SAFB2: variants seen among roughly 807,000 people sequenced by gnomAD.
SAFB2 encodes the protein scaffold attachment factor B2.
Under a neutral mutation model 100.6 loss-of-function variants are expected in SAFB2, and 32 were observed. The ratio of observed to expected loss-of-function variants is 0.32; its 90% CI spans 0.24 to 0.43. SAFB2 has a LOEUF of 0.43. Ranked by LOEUF, SAFB2 falls within the 20% of genes least tolerant of loss-of-function variation. The pLI is 1.00. For missense variants in SAFB2, 1,185 were observed against 1,163.4 expected (o/e 1.02, Z -0.27); for synonymous variants, 500 against 439.4 (o/e 1.14, Z -1.72).
At chr19:5,621,736 C>T (rs2053154241) in intron 1 of SAFB2, among the ~76,000 whole-genome samples, 1 of 152,220 alleles carries the variant, frequency 6.6e-6, no homozygotes. Flanking sequence ...CTGCACTTGG[C>T]CCGGCCTCGG....
intron 11 of SAFB2, among the ~76,000 whole-genome samples, chr19:5,601,647 G>A (rs377054913): frequency 1.4e-4 from 21 of 152,168 alleles, no homozygotes; most frequent in Admixed American, 1.1e-3. Context: ...AGGAGGTGGA[G>A]GTTGCAGTCA....
At chr19:5,621,172 G>A (rs1012460262) in intron 2 of SAFB2, 137 bp downstream of exon 2, 12 of 676,460 alleles carry the variant, frequency 1.8e-5, no homozygotes, top group Middle Eastern at 3.9e-4. Context: ...AGGTGGTGAC[G>A]AGCAAAGCTA....
chr19:5,604,911 T>C lies in SAFB2; in HGVS notation c.1322A>G (p.Asn441Ser), dbSNP rs774519315. ...GCATCGAGCCCCCGGGCTGCGGGCG[T>C]TCGTTACCACTTTGGCCCCGACAAC... The part of the protein sequence containing the change: ...GKVVGAKVVT[N>S]ARSPGARCYG... Residue 441 changes from asparagine to serine, a missense_variant, in exon 10 of 21, where the codon AAC (asparagine) becomes AGC (serine). Asn to Ser is a conservative substitution (Grantham distance 46). Around this residue, in one of 3 missense-constraint regions of SAFB2, gnomAD observed 94 missense variants for 135.1 expected, o/e 0.70. Transcript: ENST00000252542. 12 of 1,613,566 alleles carry C rather than the reference T, an allele frequency of 7.4e-6. No homozygotes were observed. The highest frequency in any genetic ancestry group is 1.0e-5 in the Non-Finnish European group (12 of 1,180,020).
chr19:5,593,789 TC>T, intron 15 of SAFB2, 101 bp downstream of exon 15: 1 of 1,241,350 alleles, frequency 8.1e-7, no homozygotes. Context: ...AATTTCATTC[TC>T]CCCACCGACA....
intron 13 of SAFB2, among the ~76,000 whole-genome samples, chr19:5,598,139 A>C (rs1015120434): frequency 6.6e-6 from 1 of 151,512 alleles, no homozygotes; most frequent in African/African-American, 2.4e-5. Flanking sequence ...CATCTCAAAA[A>C]AAAAAAAAAA....
intron 9 of SAFB2, among the ~76,000 whole-genome samples, chr19:5,609,300 CTTTTTT>C (rs751534976): frequency 1.7e-5 from 2 of 118,880 alleles, no homozygotes; most frequent in Admixed American, 1.8e-4. Flanking sequence ...TCACTTCATT[CTTTTTT>C]TTTTTTTTTT....
At position 5,587,085 on chromosome 19, in the gene SAFB2, A is replaced by AT. The variant is rs201377598; in HGVS notation, c.*157dup. 0.012 allele frequency: 11,272 copies of AT among 957,782 alleles called. 47 individuals carry two copies. Among genetic ancestry groups the AT allele is most frequent in the Non-Finnish European group, 0.013 (8,302 of 649,352 alleles). 59.3% of individuals were successfully genotyped at this position (957,782 alleles called of 1,614,324 possible). On this transcript the variant is annotated 3_prime_UTR_variant, in exon 21 of 21. Coordinates refer to ENST00000252542, the MANE Select transcript of SAFB2 (RefSeq NM_014649.3). The surrounding 1 kb of genome is among the most constrained non-coding windows in gnomAD (Gnocchi z 4.9). ...AAAATGGCAGAACAAGAACACATTTATTTAAAAAAAAAAAAAAAGTGAGTT... is the reference window on the plus strand; with the variant it reads ...AAAATGGCAGAACAAGAACACATTTATTTTAAAAAAAAAAAAAAAGTGAGTT...
In SAFB2 at chr19:5,594,011, C is replaced by A. The variant is rs1156949118; in HGVS notation, c.2087G>T (p.Arg696Leu). 1.9e-6 allele frequency: 3 copies of A among 1,562,688 alleles called. No homozygotes were observed. Among genetic ancestry groups the A allele is most frequent in the African/African-American group, 1.4e-5 (1 of 73,956 alleles). Reference protein sequence around the residue: ...RLERERMRVERERRKEQERIH... With the variant: ...RLERERMRVELERRKEQERIH... ...GCGCTCCTGCTCCTTCCTGCGCTCA[C>A]GCTCCACGCGCATGCGCTCGCGCTC... is the stretch of plus-strand genomic sequence containing the variant. The change falls in exon 15 of 21, where the codon CGT becomes CTT. Residue 696 changes from arginine to leucine, a missense_variant. By Grantham distance (102) the Arg-to-Leu change is moderately radical. Coordinates refer to ENST00000252542, the MANE Select transcript of SAFB2 (RefSeq NM_014649.3).
Position 5,587,557 on chromosome 19 carries a change from G to A in SAFB2, c.2705+144C>T. 4 of 1,455,834 alleles carry A rather than the reference G, an allele frequency of 2.7e-6. No homozygotes were observed. Among genetic ancestry groups the A allele is most frequent in the Non-Finnish European group, 3.6e-6 (4 of 1,096,718 alleles). 90.2% of individuals were successfully genotyped at this position (1,455,834 alleles called of 1,614,324 possible). On this transcript the variant is annotated intron_variant, in intron 20 of 20. Transcript: ENST00000252542. The surrounding 1 kb of genome is among the most constrained non-coding windows in gnomAD (Gnocchi z 4.9). Reference sequence around the variant, plus strand: ...ACATTGTATTCCAGGTAACTCAAGAGCGTTATTTGCATAAATTGCAAAGAG... The same window carrying A: ...ACATTGTATTCCAGGTAACTCAAGAACGTTATTTGCATAAATTGCAAAGAG...
chr19:5,604,575 C>G lies in SAFB2; in HGVS notation c.1559+8G>C, dbSNP rs751513701. On this transcript the variant is annotated splice_region_variant and intron_variant, in intron 11 of 20. Coordinates refer to ENST00000252542, the MANE Select transcript of SAFB2 (RefSeq NM_014649.3). ...GATTCCAAGAGGAGGTTTGAAAATT[C>G]ACTTTACTTTTCAATTTTGATCTCC... The G allele has an allele frequency of 1.9e-6, 3 of 1,607,416 alleles. 1 individual carries two copies. The South Asian group carries it at 3.3e-5, about 18-fold the overall frequency.
At position 5,587,889 on chromosome 19, in the gene SAFB2, G is replaced by A. The variant is rs45562637; in HGVS notation, c.2617C>T (p.Arg873Trp). Residue 873 changes from arginine (R) to tryptophan (W), a missense_variant, in exon 19 of 21, where the codon CGG becomes TGG. Coordinates refer to ENST00000252542, the MANE Select transcript of SAFB2 (RefSeq NM_014649.3). The surrounding 1 kb of genome is among the most constrained non-coding windows in gnomAD (Gnocchi z 4.9). ...QGAMDAGAAS[R>W]EHARWQGGER... ...GTACCTTGCCACCTGGCGTGCTCCC[G>A]GCTAGCCGCGCCTGCGTCCATGGCA... The A allele has an allele frequency of 3.3e-5, 53 of 1,611,744 alleles. No individual in the cohort carries two copies. Among genetic ancestry groups the A allele is most frequent in the African/African-American group, 4.0e-5 (3 of 75,054 alleles).
chr19:5,619,020 T>A (rs1448544838), intron 2 of SAFB2, among the ~76,000 whole-genome samples: 1 of 152,238 alleles, frequency 6.6e-6, no homozygotes, highest in Non-Finnish European at 1.5e-5. Context: ...ACTTCAGTTT[T>A]TGCAAGGAAG....
chr19:5,615,919 T>G (rs1450699065), intron 4 of SAFB2, among the ~76,000 whole-genome samples: 1 of 152,212 alleles, frequency 6.6e-6, no homozygotes, highest in Admixed American at 6.5e-5. Flanking sequence ...TGCTTCGAAT[T>G]ATAAAAACAC....
Position 5,587,648 on chromosome 19 carries a change from A to T in SAFB2, c.2705+53T>A. On this transcript the variant is annotated intron_variant, in intron 20 of 20. Transcript: ENST00000252542. This position sits in a 1 kb window ranked among gnomAD's most constrained non-coding sequence, Gnocchi z 4.9. The stretch of plus-strand genomic sequence containing the variant: ...CTGATCAAACATGCAAAAAAGGGAG[A>T]GGAAGTGAGGAGCAGGAGTGAACCA... The T allele has an allele frequency of 6.7e-7, 1 of 1,497,118 alleles. No individual in the cohort carries two copies. Among genetic ancestry groups the T allele is most frequent in the South Asian group, 1.3e-5 (1 of 78,646 alleles). The allele number at this position is 1,497,118 out of a possible 1,614,324, so 92.7% of individuals were successfully genotyped here.
intron 5 of SAFB2, among the ~76,000 whole-genome samples, chr19:5,613,132 G>C (rs2052945244): frequency 6.6e-6 from 1 of 152,104 alleles, no homozygotes; most frequent in African/African-American, 2.4e-5. Context: ...TTGCATCAGA[G>C]ACACCACCCA....
chr19:5,598,907 C>T (rs2052591778), intron 12 of SAFB2, 23 bp from the exon 13 acceptor site: 2 of 1,611,216 alleles, frequency 1.2e-6, no homozygotes, highest in African/African-American at 2.7e-5. Context: ...ACACAACAAA[C>T]TATCAAAACC....
intron 18 of SAFB2, among the ~76,000 whole-genome samples, chr19:5,589,693 C>G (rs1028584489): frequency 6.6e-6 from 1 of 152,174 alleles, no homozygotes; most frequent in Non-Finnish European, 1.5e-5. Flanking sequence ...CCCTGCCCCC[C>G]ACCAATGCTG....
chr19:5,595,237 G>A (rs533221759), intron 14 of SAFB2, 124 bp downstream of exon 14: 24 of 1,325,004 alleles, frequency 1.8e-5, no homozygotes, highest in African/African-American at 1.0e-4. Flanking sequence ...GGTTAAGCAC[G>A]ACACCCGCCA....
rs2052739177 is a variant in SAFB2, at chr19:5,604,836, C to T, written c.1397G>A (p.Ser466Asn). 1 of 1,614,154 alleles carries T rather than the reference C, an allele frequency of 6.2e-7. No individual in the cohort carries two copies. Among genetic ancestry groups the T allele is most frequent in the East Asian group, 2.2e-5 (1 of 44,876 alleles). ...ATGCAGCTCAGTTCTGTGGAGATGG[C>T]TGATGCACTTGGTCGCCTCGTCAGA... is the stretch of plus-strand genomic sequence containing the variant. ...STSDEATKCI[S>N]HLHRTELHGR... The change falls in exon 10 of 21, where the codon AGC (serine) becomes AAC (asparagine). Residue 466 changes from serine to asparagine, a missense_variant. Around this residue, in one of 3 missense-constraint regions of SAFB2, gnomAD observed 94 missense variants for 135.1 expected, o/e 0.70. Coordinates refer to ENST00000252542, the MANE Select transcript of SAFB2 (RefSeq NM_014649.3).
Sources: allele counts gnomAD v4.1 joint callset (sites outside exome capture counted in the v4.1 genomes callset), GRCh38; gene constraint gnomAD v4.1.1; regional missense constraint gnomAD v4.1.1; non-coding constraint Gnocchi (gnomAD v3.1); transcripts MANE v1.5; gene names NCBI Gene and HGNC (gene_info 2026-07-23, HGNC 2026-07-21).